The following MCF2L2 variants were observed in gnomAD, a reference collection of about 807,000 sequenced individuals.
MCF2L2 encodes the protein MCF.2 cell line derived transforming sequence-like 2.
In MCF2L2, 102 loss-of-function variants were observed where a neutral mutation model predicts 150.2. The observed-to-expected ratio is 0.68, with a 90% CI of 0.58 to 0.80. The LOEUF is 0.80. Among genes scored for constraint, MCF2L2 ranks in the 30% least tolerant of loss-of-function variants. MCF2L2 has a pLI of 0.00. For synonymous variants in MCF2L2, 465 were observed against 491.3 expected, an observed-to-expected ratio of 0.95 and a Z score of 0.71; for missense variants, 1,256 against 1,372.8, an observed-to-expected ratio of 0.91 and a Z score of 1.34.
In MCF2L2 at chr3:183,300,052, A is replaced by G; in HGVS notation, c.1258T>C (p.Trp420Arg). 1 of 1,613,620 alleles carries G rather than the reference A, an allele frequency of 6.2e-7. No individual in the cohort carries two copies. The highest frequency in any genetic ancestry group is 2.2e-5 in the East Asian group (1 of 44,850). The stretch of plus-strand genomic sequence containing the variant: ...TCTAAGGACTTTCCTAAAATGTCCC[A>G]TTTTTTCTTGTTTCCATTGATGAAA... ...DDFINGNKKK[W>R]DILGKSLEFH... is the part of the protein sequence containing the mutation. The change falls in exon 11 of 30, where the codon TGG becomes CGG. Residue 420 changes from tryptophan to arginine, a missense_variant. Trp to Arg is a moderately radical substitution (Grantham distance 101). Coordinates refer to ENST00000328913, the MANE Select transcript of MCF2L2 (RefSeq NM_015078.4).
chr3:183,249,941 A>G (rs1278216281), intron 15 of MCF2L2, among the ~76,000 whole-genome samples: 4 of 152,160 alleles, frequency 2.6e-5, no homozygotes, highest in African/African-American at 4.8e-5. Context: ...TCTCTGAGAG[A>G]CTCAGAGAAG....
intron 15 of MCF2L2, among the ~76,000 whole-genome samples, chr3:183,248,774 C>G (rs552510373): frequency 1.3e-5 from 2 of 152,210 alleles, no homozygotes; most frequent in South Asian, 4.1e-4. Context: ...GAAGGTCAAG[C>G]CTGAGTGAGC....
rs1005722872 is a variant in MCF2L2 at position 183,227,242 on chromosome 3, T to C, written c.2115+1055A>G. 6.6e-5 allele frequency: 10 copies of C among 152,138 alleles called. No individual in the cohort carries two copies. Among genetic ancestry groups the C allele is most frequent in the Admixed American group, 1.3e-4 (2 of 15,256 alleles). 9.4% of individuals were successfully genotyped at this position (152,138 alleles called of 1,614,324 possible). On this transcript the variant is annotated intron_variant, in intron 18 of 29. Coordinates refer to ENST00000328913, the MANE Select transcript of MCF2L2 (RefSeq NM_015078.4). The surrounding 1 kb of genome is among the most constrained non-coding windows in gnomAD (Gnocchi z 4.0). ...CCATGGTCGTGTCCTAGAAAGTACC[T>C]GGTGGGGATTGATGTTGGGTGGAAC...
At chr3:183,360,974 AAAAGAAAAGAAAAGAAAAG>A in intron 3 of MCF2L2, among the ~76,000 whole-genome samples, 1 of 108,262 alleles carries the variant, frequency 9.2e-6, no homozygotes, top group African/African-American at 6.3e-5. Context: ...AAAAGAAAAG[AAAAGAAAAGAAAAGAAAAG>A]AAAAGAAAAG....
intron 15 of MCF2L2, among the ~76,000 whole-genome samples, chr3:183,240,379 GC>G (rs1434701741): frequency 9.9e-5 from 15 of 152,126 alleles, no homozygotes; most frequent in African/African-American, 3.4e-4. Context: ...AAAGTTGCCT[GC>G]CACCATACCC....
At chr3:183,273,632 A>G (rs928185353) in intron 15 of MCF2L2, among the ~76,000 whole-genome samples, 1 of 152,228 alleles carries the variant, frequency 6.6e-6, no homozygotes, top group Admixed American at 6.5e-5. Flanking sequence ...CACATATATG[A>G]TGATAGTCCC....
At position 183,360,956 on chromosome 3, in the gene MCF2L2, C is replaced by CAGAAAAGAAAAGAAAAGAAAAGAAA. The variant is rs71185654; in HGVS notation, c.275+18316_275+18340dup. Among the ~76,000 whole-genome samples the CAGAAAAGAAAAGAAAAGAAAAGAAA allele has an allele frequency of 3.2e-3, 285 of 88,444 alleles. 3 individuals carry two copies. The highest frequency in any genetic ancestry group is 0.011 in the African/African-American group (242 of 22,974). The allele number at this position is 88,444 out of a possible 152,430, so 58.0% of individuals were successfully genotyped here. A position where few individuals can be genotyped will look rare whatever the true frequency, so the allele number is the denominator to read the frequency against. ...CAGCCTGGGCAAGAAGAGTGAAACT[C>CAGAAAAGAAAAGAAAAGAAAAGAAA]AGAAAAGAAAAGAAAAGAAAAGAAA... On this transcript the variant is annotated intron_variant, in intron 3 of 29. Transcript: ENST00000328913.
intron 3 of MCF2L2, among the ~76,000 whole-genome samples, chr3:183,355,015 G>A (rs1411272991): frequency 6.6e-6 from 1 of 151,434 alleles, no homozygotes; most frequent in African/African-American, 2.4e-5. Flanking sequence ...TAAAATAATT[G>A]TTTAAAGCAC....
At chr3:183,321,411 C>G (rs1004624281) in intron 6 of MCF2L2, among the ~76,000 whole-genome samples, 3 of 141,462 alleles carry the variant, frequency 2.1e-5, no homozygotes, top group African/African-American at 8.1e-5. Flanking sequence ...GCACTCCAGT[C>G]TGGGTGATAG....
At chr3:183,203,976 C>A (rs559684999) in intron 25 of MCF2L2, among the ~76,000 whole-genome samples, 2 of 152,088 alleles carry the variant, frequency 1.3e-5, no homozygotes, top group Admixed American at 1.3e-4. Context: ...ATACCTAAAG[C>A]CAATTTATCT....
At chr3:183,361,686 T>C (rs1712215820) in intron 3 of MCF2L2, among the ~76,000 whole-genome samples, 2 of 151,706 alleles carry the variant, frequency 1.3e-5, no homozygotes, top group South Asian at 2.1e-4. Flanking sequence ...TAGTGCTTTA[T>C]AGCAGTGTGA....
chr3:183,385,802 C>T (rs1713796604), intron 2 of MCF2L2, among the ~76,000 whole-genome samples: 1 of 152,280 alleles, frequency 6.6e-6, no homozygotes, highest in African/African-American at 2.4e-5. Flanking sequence ...TCTCTTGCTG[C>T]CAGGGAATGG....
chr3:183,220,352 T>A (rs1230441919), intron 20 of MCF2L2, among the ~76,000 whole-genome samples: 1 of 152,196 alleles, frequency 6.6e-6, no homozygotes, highest in Non-Finnish European at 1.5e-5. Flanking sequence ...AGATAAACCA[T>A]TTTTCTCATT....
At chr3:183,322,752 ACC>A in intron 6 of MCF2L2, among the ~76,000 whole-genome samples, 1 of 152,262 alleles carries the variant, frequency 6.6e-6, no homozygotes, top group Non-Finnish European at 1.5e-5. Context: ...TGAGTATCGT[ACC>A]CAATAGTTCT....
chr3:183,219,806 A>G, intron 21 of MCF2L2, 50 bp downstream of exon 21: 1 of 1,265,280 alleles, frequency 7.9e-7, no homozygotes, highest in South Asian at 1.2e-5. Flanking sequence ...CCCATAGACA[A>G]ACACCATTAA....
At chr3:183,362,109 C>CTT (rs545641743) in intron 3 of MCF2L2, among the ~76,000 whole-genome samples, 23 of 146,514 alleles carry the variant, frequency 1.6e-4, no homozygotes, top group African/African-American at 3.8e-4. Context: ...GTCTCAAGAA[C>CTT]TTTTTTTTTT....
At chr3:183,350,321 CCT>C (rs1417716564) in intron 3 of MCF2L2, among the ~76,000 whole-genome samples, 1 of 151,464 alleles carries the variant, frequency 6.6e-6, no homozygotes, top group Non-Finnish European at 1.5e-5. Flanking sequence ...TTTTTTTCAC[CCT>C]CTCTTATTCA....
intron 1 of MCF2L2, among the ~76,000 whole-genome samples, chr3:183,403,964 G>A (rs1714908100): frequency 6.6e-6 from 1 of 152,120 alleles, no homozygotes; most frequent in Non-Finnish European, 1.5e-5. Flanking sequence ...AGTGGTTTGA[G>A]GCTCAGCTAA....
chr3:183,387,807 C>T (rs1713915923), intron 2 of MCF2L2, among the ~76,000 whole-genome samples: 2 of 151,914 alleles, frequency 1.3e-5, no homozygotes, highest in Non-Finnish European at 2.9e-5. Context: ...TGGCGGGTGC[C>T]TATAATCCCA....
Sources: allele counts gnomAD v4.1 joint callset (sites outside exome capture counted in the v4.1 genomes callset), GRCh38; gene constraint gnomAD v4.1.1; non-coding constraint Gnocchi (gnomAD v3.1); transcripts MANE v1.5; gene names NCBI Gene and HGNC (gene_info 2026-07-23, HGNC 2026-07-21).